The following MEX3D variants were observed in gnomAD, a reference collection of about 807,000 sequenced individuals.
The protein encoded by MEX3D is RNA-binding protein MEX3D.
A neutral mutation model predicts 6.3 loss-of-function variants in MEX3D; 4 were observed. That is an observed-to-expected ratio of 0.64 (90% confidence interval 0.31 to 1.46). The LOEUF (loss-of-function observed/expected upper bound fraction) is 1.46, where lower values mean the gene tolerates loss of function less well. Ranked by LOEUF, MEX3D falls within the 40% of genes most tolerant of loss-of-function variation. The pLI is 0.07. For synonymous variants in MEX3D, 626 were observed against 494.1 expected (o/e 1.27, Z -3.54); for missense variants, 1,038 against 994.4 (o/e 1.04, Z -0.59).
In MEX3D at chr19:1,555,397, G is replaced by T; in HGVS notation, c.*166C>A. 6.2e-7 allele frequency: 1 copy of T among 1,600,804 alleles called. No homozygotes were observed. The highest frequency in any genetic ancestry group is 8.5e-7 in the Non-Finnish European group (1 of 1,173,602). On this transcript the variant is annotated 3_prime_UTR_variant, in exon 2 of 2. Coordinates refer to ENST00000402693, the MANE Select transcript of MEX3D (RefSeq NM_203304.4). ...GGGTCTCCGTCTCCACGCCTGAGGCGGCAGTTAAAGCTCATCTGTAAACAC... is the reference window on the plus strand; with the variant it reads ...GGGTCTCCGTCTCCACGCCTGAGGCTGCAGTTAAAGCTCATCTGTAAACAC...
chr19:1,556,688 C>G lies in MEX3D; in HGVS notation c.831G>C (p.Gln277His), dbSNP rs766018583. The part of the protein sequence containing the change: ...PPNLPGQTTI[Q>H]VRVPYRVVGL... Reference sequence around the variant, plus strand: ...CCACCACCCGGTAGGGCACGCGCACCTGGATGGTGGTCTGTCCGGGAAGGT... The same window carrying G: ...CCACCACCCGGTAGGGCACGCGCACGTGGATGGTGGTCTGTCCGGGAAGGT... Residue 277 changes from glutamine (Q) to histidine (H), a missense_variant, in exon 2 of 2, where the codon CAG becomes CAC. Gln to His is a conservative substitution (Grantham distance 24, BLOSUM62 0). This residue lies in a region of MEX3D where 65 missense variants were observed against 109.3 expected (regional missense o/e 0.59). Coordinates refer to ENST00000402693, the MANE Select transcript of MEX3D (RefSeq NM_203304.4). The surrounding 1 kb of genome is among the most constrained non-coding windows in gnomAD (Gnocchi z 7.5). 1.9e-6 allele frequency: 3 copies of G among 1,610,956 alleles called. No individual in the cohort carries two copies. The highest frequency in any genetic ancestry group is 2.5e-6 in the Non-Finnish European group (3 of 1,178,908).
intron 1 of MEX3D, among the ~76,000 whole-genome samples, chr19:1,566,758 T>C (rs1483517713): frequency 6.6e-6 from 1 of 151,718 alleles, no homozygotes; most frequent in Non-Finnish European, 1.5e-5. Flanking sequence ...CCTCGCTCTC[T>C]AACAAAGAGA....
In MEX3D at chr19:1,567,626, C is replaced by G; in HGVS notation, c.433G>C (p.Asp145His). ...PPPPPRPSPP[D>H]VFAGFAPHPA... ...TGGGGCGCGAAGCCCGCGAACACGT[C>G]GGGGGGCGACGGCCGGGGCGGCGGC... Residue 145 changes from aspartate (D) to histidine (H), a missense_variant, in exon 1 of 2, where the codon GAC becomes CAC. Physicochemically the swap from Asp to His is moderately conservative, Grantham distance 81. Coordinates refer to ENST00000402693, the MANE Select transcript of MEX3D (RefSeq NM_203304.4). The surrounding 1 kb of genome is among the most constrained non-coding windows in gnomAD (Gnocchi z 6.5). The G allele has an allele frequency of 7.8e-7, 1 of 1,281,204 alleles. No individual in the cohort carries two copies. Among genetic ancestry groups the G allele is most frequent in the Non-Finnish European group, 9.9e-7 (1 of 1,008,750 alleles). The allele number at this position is 1,281,204 out of a possible 1,614,324, so 79.4% of individuals were successfully genotyped here.
In MEX3D at chr19:1,567,757, G is replaced by T; in HGVS notation, c.302C>A (p.Pro101His). 3 of 965,784 alleles carry T rather than the reference G, an allele frequency of 3.1e-6. No individual in the cohort carries two copies. Among genetic ancestry groups the T allele is most frequent in the Non-Finnish European group, 2.5e-6 (2 of 808,132 alleles). 59.8% of individuals were successfully genotyped at this position (965,784 alleles called of 1,614,324 possible). ...GGCCTCAGGTCCGTCGGGGGGCACA[G>T]GCTCCGGAGCCGCCCCGCCGTCCGC... Reference protein sequence around the residue: ...GGADGGAAPEPVPPDGPEAGA... With the variant: ...GGADGGAAPEHVPPDGPEAGA... The change falls in exon 1 of 2, where the codon CCT becomes CAT. Residue 101 changes from proline (P) to histidine (H), a missense_variant. Pro to His is a moderately conservative substitution (Grantham distance 77). Transcript: ENST00000402693. This position sits in a 1 kb window ranked among gnomAD's most constrained non-coding sequence, Gnocchi z 6.5.
intron 1 of MEX3D, among the ~76,000 whole-genome samples, chr19:1,565,387 C>T (rs1255798319): frequency 6.6e-6 from 1 of 152,094 alleles, no homozygotes; most frequent in Non-Finnish European, 1.5e-5. Flanking sequence ...ACTAAAAATA[C>T]AAAAATCAGC....
chr19:1,555,951 A>T lies in MEX3D; in HGVS notation c.1568T>A (p.Leu523His), dbSNP rs1276062488. ...HSPTLPEPGG[L>H]RLELPLSRRG... Reference sequence around the variant, plus strand: ...GCGAGACAGCGGGAGCTCCAGGCGGAGGCCGCCGGGCTCGGGCAGCGTGGG... The same window carrying T: ...GCGAGACAGCGGGAGCTCCAGGCGGTGGCCGCCGGGCTCGGGCAGCGTGGG... The change falls in exon 2 of 2, where the codon CTC (leucine) becomes CAC (histidine). Residue 523 changes from leucine to histidine, a missense_variant. Physicochemically the swap from Leu to His is moderately conservative, Grantham distance 99. Coordinates refer to ENST00000402693, the MANE Select transcript of MEX3D (RefSeq NM_203304.4). 13 of 1,170,782 alleles carry T rather than the reference A, an allele frequency of 1.1e-5. No individual in the cohort carries two copies. The highest frequency in any genetic ancestry group is 1.6e-5 in the African/African-American group (1 of 60,644). The allele number at this position is 1,170,782 out of a possible 1,614,324, so 72.5% of individuals were successfully genotyped here.
In MEX3D at chr19:1,556,429, C is replaced by T. The variant is rs1914563101; in HGVS notation, c.1090G>A (p.Asp364Asn). Residue 364 changes from aspartate (D) to asparagine (N), a missense_variant, in exon 2 of 2, where the codon GAC becomes AAC. Physicochemically the swap from Asp to Asn is conservative, Grantham distance 23. Around this residue, in one of 5 missense-constraint regions of MEX3D, gnomAD observed 581 missense variants for 516.2 expected, o/e 1.13. Coordinates refer to ENST00000402693, the MANE Select transcript of MEX3D (RefSeq NM_203304.4). The surrounding 1 kb of genome is among the most constrained non-coding windows in gnomAD (Gnocchi z 7.5). ...FHANGTDVCL[D>N]LLGAAASLWA... ...AGGCTGGCGGCCGCCCCGAGCAGGT[C>T]CAGGCAGACGTCGGTGCCGTTGGCG... The T allele has an allele frequency of 4.4e-6, 7 of 1,594,422 alleles. No individual in the cohort carries two copies. Among genetic ancestry groups the T allele is most frequent in the Non-Finnish European group, 6.0e-6 (7 of 1,176,438 alleles).
intron 1 of MEX3D, among the ~76,000 whole-genome samples, chr19:1,563,861 GC>G (rs1439695851): frequency 6.6e-6 from 1 of 152,124 alleles, no homozygotes; most frequent in Non-Finnish European, 1.5e-5. Flanking sequence ...AGACTGGAGA[GC>G]GGTGACAAGA....
chr19:1,557,858 CAAAAAAAAAAAAAAAAAAAA>C (rs550036323), intron 1 of MEX3D, among the ~76,000 whole-genome samples: 6 of 4,004 alleles, frequency 1.5e-3, no homozygotes, highest in South Asian at 0.022. Context: ...GAGACTGTCT[CAAAAAAAAAAAAAAAAAAAA>C]AAAAAAAAAA....
Position 1,556,200 on chromosome 19 carries a change from C to A in MEX3D, c.1319G>T (p.Gly440Val). The change falls in exon 2 of 2, where the codon GGT (glycine) becomes GTT (valine). Residue 440 changes from glycine (G) to valine (V), a missense_variant. Physicochemically the swap from Gly to Val is moderately radical, Grantham distance 109. Coordinates refer to ENST00000402693, the MANE Select transcript of MEX3D (RefSeq NM_203304.4). The surrounding 1 kb of genome is among the most constrained non-coding windows in gnomAD (Gnocchi z 7.5). ...GGGGGCGGCCGTCCCCACCGGGGCA[C>A]CGGGACCCTCCGCGCCGAAGGCGAA... is the stretch of plus-strand genomic sequence containing the variant. ...GGFAFGAEGP[G>V]APVGTAAPDD... 1.4e-6 allele frequency: 2 copies of A among 1,442,794 alleles called. No individual in the cohort carries two copies. Among genetic ancestry groups the A allele is most frequent in the Non-Finnish European group, 1.8e-6 (2 of 1,098,028 alleles). 89.4% of individuals were successfully genotyped at this position (1,442,794 alleles called of 1,614,324 possible).
chr19:1,562,870 C>T (rs903657280), intron 1 of MEX3D, among the ~76,000 whole-genome samples: 5 of 151,692 alleles, frequency 3.3e-5, no homozygotes, highest in Non-Finnish European at 5.9e-5. Flanking sequence ...CAAAAATGAG[C>T]CTGGCGTGGT....
At position 1,568,232 on chromosome 19, in the gene MEX3D, C is replaced by T. The variant is rs1214841837; in HGVS notation, c.-174G>A. Among the ~76,000 whole-genome samples, 6 of 137,452 alleles carry T rather than the reference C, an allele frequency of 4.4e-5. No individual in the cohort carries two copies. The highest frequency in any genetic ancestry group is 9.6e-5 in the Non-Finnish European group (6 of 62,788). 90.2% of individuals were successfully genotyped at this position (137,452 alleles called of 152,430 possible). On this transcript the variant is annotated 5_prime_UTR_variant, in exon 1 of 2. Transcript: ENST00000402693. The stretch of plus-strand genomic sequence containing the variant: ...GGCGCGGGGCTGCTCGGGGCCGGGC[C>T]GGGCCGGGCCGGGCGGCGGCAGCGA...
At chr19:1,565,537 G>A (rs1026977170) in intron 1 of MEX3D, among the ~76,000 whole-genome samples, 9 of 152,148 alleles carry the variant, frequency 5.9e-5, no homozygotes, top group South Asian at 4.1e-4. Flanking sequence ...GCGAAACTCC[G>A]TCTCATAAAT....
At chr19:1,565,514 C>T (rs570106754) in intron 1 of MEX3D, among the ~76,000 whole-genome samples, 130 of 152,298 alleles carry the variant, frequency 8.5e-4, no homozygotes, top group African/African-American at 3.0e-3. Context: ...TGCACTCCAG[C>T]CTGGGCGACA....
chr19:1,561,150 C>T (rs113802222), intron 1 of MEX3D, among the ~76,000 whole-genome samples: 405 of 152,316 alleles, frequency 2.7e-3, no homozygotes, highest in African/African-American at 8.9e-3. Flanking sequence ...CCCCACGCAG[C>T]ACACACACCA....
intron 1 of MEX3D, among the ~76,000 whole-genome samples, chr19:1,559,385 G>A (rs544862026): frequency 2.6e-5 from 4 of 152,226 alleles, no homozygotes; most frequent in African/African-American, 9.6e-5. Flanking sequence ...CACCTGCCTT[G>A]GCCTCCCAAA....
intron 1 of MEX3D, among the ~76,000 whole-genome samples, chr19:1,558,928 A>G (rs991595513): frequency 6.6e-6 from 1 of 150,828 alleles, no homozygotes; most frequent in East Asian, 1.9e-4. Context: ...CTGACCAGGT[A>G]TGGCCTTCTT....
In MEX3D at chr19:1,556,367, G is replaced by C; in HGVS notation, c.1152C>G (p.Pro384=). Residue 384 remains proline (P), a synonymous_variant, in exon 2 of 2, where the codon CCC becomes CCG. Coordinates refer to ENST00000402693, the MANE Select transcript of MEX3D (RefSeq NM_203304.4). The surrounding 1 kb of genome is among the most constrained non-coding windows in gnomAD (Gnocchi z 7.5). The stretch of plus-strand genomic sequence containing the variant: ...CCCCGCGGAGGCCGGCCGTGGCCGT[G>C]GGGGGCCGTCGTCCCTGGTTGGGGG... ...AKTPNQGRRP[P]TATAGLRGDT... The C allele has an allele frequency of 6.7e-7, 1 of 1,483,748 alleles. No individual in the cohort carries two copies. Among genetic ancestry groups the C allele is most frequent in the Non-Finnish European group, 8.9e-7 (1 of 1,128,010 alleles). 91.9% of individuals were successfully genotyped at this position (1,483,748 alleles called of 1,614,324 possible).
chr19:1,557,009 T>A, intron 1 of MEX3D, 86 bp from the exon 2 acceptor site: 1 of 1,466,184 alleles, frequency 6.8e-7, no homozygotes, highest in Non-Finnish European at 9.1e-7. Context: ...GCAGGGCCAG[T>A]GAGGGAGCCC....
Sources: allele counts gnomAD v4.1 joint callset (sites outside exome capture counted in the v4.1 genomes callset), GRCh38; gene constraint gnomAD v4.1.1; regional missense constraint gnomAD v4.1.1; non-coding constraint Gnocchi (gnomAD v3.1); transcripts MANE v1.5; gene names NCBI Gene and HGNC (gene_info 2026-07-23, HGNC 2026-07-21).